Variants in MIR2052HG observed in about 807,000 individuals in gnomAD.
MIR2052HG encodes MIR2052 host gene.
At chr8:74,691,657 G>T (rs1809240937) in intron 2 of MIR2052HG, among the ~76,000 whole-genome samples, 1 of 152,142 alleles carries the variant, frequency 6.6e-6, no homozygotes, top group African/African-American at 2.4e-5. Flanking sequence ...TTGCATTGAA[G>T]GCTATAGAAA....
At chr8:74,713,974 A>T (rs1003579908) in intron 4 of MIR2052HG, among the ~76,000 whole-genome samples, 4 of 152,072 alleles carry the variant, frequency 2.6e-5, no homozygotes, top group Admixed American at 2.6e-4. Flanking sequence ...AGAGTTAAGA[A>T]AAGTTCATGA....
At chr8:74,738,108 T>G (rs1388011660) in intron 4 of MIR2052HG, among the ~76,000 whole-genome samples, 1 of 119,208 alleles carries the variant, frequency 8.4e-6, no homozygotes, top group Non-Finnish European at 1.9e-5. Context: ...GTATCTGTTA[T>G]GTATGTATGT....
intron 2 of MIR2052HG, among the ~76,000 whole-genome samples, chr8:74,658,083 A>T (rs1255663308): frequency 6.6e-6 from 1 of 152,104 alleles, no homozygotes; most frequent in Admixed American, 6.5e-5. Context: ...CTTAGCTCTG[A>T]CTATTCCTTC....
intron 2 of MIR2052HG, among the ~76,000 whole-genome samples, chr8:74,694,463 C>T (rs1302695930): frequency 6.6e-6 from 1 of 152,132 alleles, no homozygotes; most frequent in Non-Finnish European, 1.5e-5. Context: ...CTTTAACATC[C>T]CTGAAAGACC....
intron 2 of MIR2052HG, among the ~76,000 whole-genome samples, chr8:74,614,761 T>A (rs1253829109): frequency 6.6e-6 from 1 of 152,148 alleles, no homozygotes; most frequent in East Asian, 1.9e-4. Context: ...CAATAGGAAT[T>A]TTTCAGACCA....
chr8:74,630,533 A>G (rs1413975457), intron 2 of MIR2052HG, among the ~76,000 whole-genome samples: 189 of 143,186 alleles, frequency 1.3e-3, no homozygotes, highest in African/African-American at 4.4e-3. Flanking sequence ...TCTCTGAAAA[A>G]AAAAAAAAAA....
chr8:74,603,330 A>G (rs952480854), intron 1 of MIR2052HG: 78 of 1,608,308 alleles, frequency 4.8e-5, no homozygotes, highest in Non-Finnish European at 6.2e-5. Flanking sequence ...AAAGCCTGAC[A>G]TTGATTAGAT....
intron 2 of MIR2052HG, among the ~76,000 whole-genome samples, chr8:74,622,944 T>C (rs1158699242): frequency 3.3e-5 from 5 of 152,110 alleles, no homozygotes; most frequent in African/African-American, 1.2e-4. Flanking sequence ...CCACATGATC[T>C]CACTTATAAG....
intron 2 of MIR2052HG, among the ~76,000 whole-genome samples, chr8:74,674,263 T>C (rs1400423974): frequency 6.6e-6 from 1 of 151,562 alleles, no homozygotes; most frequent in Admixed American, 6.6e-5. Flanking sequence ...ATTGATTAAT[T>C]ACACCTCTCA....
intron 2 of MIR2052HG, among the ~76,000 whole-genome samples, chr8:74,618,886 A>T (rs7008779): frequency 0.73 from 110,647 of 151,942 alleles, 41,050 homozygotes; most frequent in African/African-American, 0.89. Context: ...CTCTTATATA[A>T]AAAAATCCCT....
intron 4 of MIR2052HG, among the ~76,000 whole-genome samples, chr8:74,726,272 CTA>C (rs1809634968): frequency 6.6e-6 from 1 of 152,138 alleles, no homozygotes; most frequent in African/African-American, 2.4e-5. Flanking sequence ...AAAACAGACT[CTA>C]AAAGAGAGTA....
At chr8:74,678,960 C>T (rs1423643573) in intron 2 of MIR2052HG, among the ~76,000 whole-genome samples, 2 of 151,928 alleles carry the variant, frequency 1.3e-5, no homozygotes, top group Non-Finnish European at 2.9e-5. Flanking sequence ...ATATGATTAC[C>T]TCAATCAATG....
At chr8:74,745,505 T>C (rs1383887680) in intron 4 of MIR2052HG, among the ~76,000 whole-genome samples, 1 of 152,166 alleles carries the variant, frequency 6.6e-6, no homozygotes, top group Non-Finnish European at 1.5e-5. Context: ...GAATCGATAG[T>C]AGCAGAATCT....
intron 2 of MIR2052HG, among the ~76,000 whole-genome samples, chr8:74,652,245 T>C (rs1179008163): frequency 1.3e-5 from 2 of 152,224 alleles, no homozygotes; most frequent in East Asian, 3.8e-4. Context: ...ACACTGCCTT[T>C]TGCACTGTTA....
intron 4 of MIR2052HG, among the ~76,000 whole-genome samples, chr8:74,750,997 A>G (rs2128756685): frequency 6.6e-6 from 1 of 152,370 alleles, no homozygotes; most frequent in African/African-American, 2.4e-5. Context: ...AATGCTAGAT[A>G]ACCTAAACAG....
intron 2 of MIR2052HG, among the ~76,000 whole-genome samples, chr8:74,647,712 G>A (rs779219046): frequency 6.6e-5 from 10 of 152,214 alleles, no homozygotes; most frequent in Non-Finnish European, 1.2e-4. Context: ...TGGAGGGACC[G>A]GCTGAAGCTG....
chr8:74,756,725 A>G (rs1428688249), intron 5 of MIR2052HG: 2 of 152,212 alleles, frequency 1.3e-5, no homozygotes, highest in Non-Finnish European at 2.9e-5. Context: ...ACACTGACAG[A>G]TAAGCATGCT....
In MIR2052HG at chr8:74,616,798, T is replaced by C. The variant is rs1279651397; in HGVS notation, n.216+3858T>C. Among the ~76,000 whole-genome samples, 4 of 152,140 alleles carry C rather than the reference T, an allele frequency of 2.6e-5. No individual in the cohort carries two copies. In the East Asian group the frequency reaches 7.7e-4, roughly 29 times the overall value. On this transcript the variant is annotated intron_variant and non_coding_transcript_variant, in intron 2 of 6. Transcript: ENST00000523442. Reference sequence around the variant, plus strand: ...TTGACCCATCACAGCACCAAAACTGTTCTTGCTCTGTTTACTCTTGATCTG... The same window carrying C: ...TTGACCCATCACAGCACCAAAACTGCTCTTGCTCTGTTTACTCTTGATCTG...
At chr8:74,657,642 C>T (rs556261321) in intron 2 of MIR2052HG, among the ~76,000 whole-genome samples, 2 of 152,146 alleles carry the variant, frequency 1.3e-5, no homozygotes, top group South Asian at 2.1e-4. Flanking sequence ...ACAATCATTG[C>T]GGAAGGTGAA....
Sources: allele counts gnomAD v4.1 joint callset (sites outside exome capture counted in the v4.1 genomes callset), GRCh38; gene constraint gnomAD v4.1.1; transcripts MANE v1.5; gene names NCBI Gene and HGNC (gene_info 2026-07-23, HGNC 2026-07-21).